Variants in HECW2 observed in about 807,000 individuals in gnomAD.
HECW2 encodes the protein E3 ubiquitin-protein ligase HECW2.
Under a neutral mutation model 175.2 loss-of-function variants are expected in HECW2, and 61 were observed. That is an observed-to-expected ratio of 0.35 (90% confidence interval 0.28 to 0.43). The LOEUF is 0.43. HECW2 is among the 20% of genes least tolerant of loss of function. The pLI, the probability that HECW2 is intolerant of heterozygous loss-of-function variation, is 1.00. For missense variants in HECW2, 1,524 were observed against 2,000.5 expected (o/e 0.76, Z 4.54); for synonymous variants, 671 against 731.0 (o/e 0.92, Z 1.32).
intron 1 of HECW2, chr2:196,592,801 C>A (rs1355670344): frequency 6.6e-6 from 1 of 151,522 alleles, no homozygotes; most frequent in South Asian, 2.1e-4. Context: ...CCACAAGCTG[C>A]GGGTGGGGAC....
intron 13 of HECW2, among the ~76,000 whole-genome samples, chr2:196,298,058 T>C (rs1048265034): frequency 3.3e-5 from 5 of 152,240 alleles, no homozygotes; most frequent in Non-Finnish European, 5.9e-5. Context: ...TTTTTCTTCA[T>C]TAAGTACTAA....
At chr2:196,511,835 TG>T (rs1687962630) in intron 1 of HECW2, among the ~76,000 whole-genome samples, 1 of 152,000 alleles carries the variant, frequency 6.6e-6, no homozygotes, top group Admixed American at 6.6e-5. Flanking sequence ...CACAGGAGGA[TG>T]GGAGAAGTGG....
chr2:196,318,662 A>G lies in HECW2; in HGVS notation c.2228T>C (p.Leu743Pro). 8.1e-6 allele frequency: 13 copies of G among 1,600,262 alleles called. No individual in the cohort carries two copies. Among genetic ancestry groups the G allele is most frequent in the South Asian group, 3.4e-5 (3 of 88,902 alleles). The change falls in exon 9 of 29, where the codon CTG becomes CCG. Residue 743 changes from leucine (L) to proline (P), a missense_variant. By Grantham distance (98) the Leu-to-Pro change is moderately conservative (BLOSUM62 -3). Coordinates refer to ENST00000644978, the MANE Select transcript of HECW2 (RefSeq NM_001348768.2). ...CTCGGCAGCAGCTGCAGCTCCCTCC[A>G]GGCTCCCCCTCCGCTGCCAGACCTC... is the stretch of plus-strand genomic sequence containing the variant. Reference protein sequence around the residue: ...LGEVWQRRGSLEGAAAAAESP... With the variant: ...LGEVWQRRGSPEGAAAAAESP...
intron 1 of HECW2, among the ~76,000 whole-genome samples, chr2:196,551,725 T>C (rs1440957620): frequency 6.6e-6 from 1 of 152,222 alleles, no homozygotes; most frequent in Non-Finnish European, 1.5e-5. Flanking sequence ...TCTTTTAAGC[T>C]TAGATGTACA....
chr2:196,432,152 G>T (rs931179802), intron 2 of HECW2, among the ~76,000 whole-genome samples: 1 of 152,026 alleles, frequency 6.6e-6, no homozygotes, highest in African/African-American at 2.4e-5. Context: ...AAACCTTGCC[G>T]AATGTCCTCT....
intron 10 of HECW2, 70 bp from the exon 11 acceptor site, chr2:196,308,155 T>C: frequency 4.1e-6 from 5 of 1,218,408 alleles, no homozygotes; most frequent in Non-Finnish European, 3.3e-6. Context: ...TTCATTAAGT[T>C]TGGCATGTGT....
At chr2:196,213,566 G>A (rs1559439036) in intron 28 of HECW2, among the ~76,000 whole-genome samples, 1 of 152,180 alleles carries the variant, frequency 6.6e-6, no homozygotes. Flanking sequence ...GAGAGGGTAT[G>A]AAAAGAGGCT....
chr2:196,290,705 C>A (rs574035075), intron 14 of HECW2: 1 of 152,282 alleles, frequency 6.6e-6, no homozygotes, highest in South Asian at 2.1e-4. Context: ...TGTGCCCTTC[C>A]ATCCAATGGA....
chr2:196,473,083 T>C (rs973027863), intron 1 of HECW2, among the ~76,000 whole-genome samples: 1 of 152,232 alleles, frequency 6.6e-6, no homozygotes, highest in Non-Finnish European at 1.5e-5. Flanking sequence ...AGATAACTGA[T>C]AGCAATTGAT....
In HECW2 at chr2:196,521,679, G is replaced by A. The variant is rs1688397293; in HGVS notation, c.-36+71829C>T. On this transcript the variant is annotated intron_variant, in intron 1 of 28. Coordinates refer to ENST00000644978, the MANE Select transcript of HECW2 (RefSeq NM_001348768.2). ...CCCAGAGTTTGATATTCCCCTTCCTGTGTCCATGTGATCTCATTGTTCAAT... is the reference window on the plus strand; with the variant it reads ...CCCAGAGTTTGATATTCCCCTTCCTATGTCCATGTGATCTCATTGTTCAAT... Among the ~76,000 whole-genome samples the A allele has an allele frequency of 2.9e-5, 4 of 136,264 alleles. No individual in the cohort carries two copies. In the Admixed American group the frequency reaches 3.4e-4, roughly 11 times the overall value. 89.4% of individuals were successfully genotyped at this position (136,264 alleles called of 152,430 possible).
intron 1 of HECW2, among the ~76,000 whole-genome samples, chr2:196,550,239 T>TA (rs1689565025): frequency 6.6e-6 from 1 of 152,200 alleles, no homozygotes; most frequent in African/African-American, 2.4e-5. Flanking sequence ...GCTTGGACTC[T>TA]AATTCCTGCT....
At chr2:196,373,980 C>T (rs1693978006) in intron 2 of HECW2, among the ~76,000 whole-genome samples, 2 of 150,626 alleles carry the variant, frequency 1.3e-5, no homozygotes, top group South Asian at 2.1e-4. Flanking sequence ...TGCAGTGAGC[C>T]GAGATCCCGC....
chr2:196,466,597 G>T (rs1394237221), intron 1 of HECW2, among the ~76,000 whole-genome samples: 1 of 152,188 alleles, frequency 6.6e-6, no homozygotes, highest in African/African-American at 2.4e-5. Context: ...CTGGTGAGAG[G>T]GTTGGCCAGC....
At chr2:196,592,952 G>A (rs1443659142) in intron 1 of HECW2, 2 of 151,616 alleles carry the variant, frequency 1.3e-5, no homozygotes, top group African/African-American at 4.8e-5. Flanking sequence ...GGCTGCTGCG[G>A]CCGCTGCCAC....
At chr2:196,410,071 G>A (rs1695068842) in intron 2 of HECW2, among the ~76,000 whole-genome samples, 1 of 152,114 alleles carries the variant, frequency 6.6e-6, no homozygotes, top group Non-Finnish European at 1.5e-5. Context: ...CAAAATAAGT[G>A]CTCATGACAA....
chr2:196,295,239 A>T (rs1460404738), intron 13 of HECW2, among the ~76,000 whole-genome samples: 1 of 152,338 alleles, frequency 6.6e-6, no homozygotes, highest in East Asian at 1.9e-4. Context: ...ATGAGAGGAT[A>T]GGAAAGTGAT....
chr2:196,581,526 T>C (rs1291039957), intron 1 of HECW2, among the ~76,000 whole-genome samples: 1 of 152,050 alleles, frequency 6.6e-6, no homozygotes, highest in African/African-American at 2.4e-5. Context: ...ACAGTGAGAC[T>C]CTATCTCAAA....
At chr2:196,244,142 A>C (rs1315546697) in intron 19 of HECW2, among the ~76,000 whole-genome samples, 1 of 152,212 alleles carries the variant, frequency 6.6e-6, no homozygotes, top group Non-Finnish European at 1.5e-5. Context: ...TTCATTGGGA[A>C]TACTATGTTA....
At chr2:196,374,449 T>C (rs529975982) in intron 2 of HECW2, among the ~76,000 whole-genome samples, 2 of 152,324 alleles carry the variant, frequency 1.3e-5, no homozygotes, top group South Asian at 4.1e-4. Context: ...TACAATGAAC[T>C]TGCATTACCT....
Sources: allele counts gnomAD v4.1 joint callset (sites outside exome capture counted in the v4.1 genomes callset), GRCh38; gene constraint gnomAD v4.1.1; transcripts MANE v1.5; gene names NCBI Gene and HGNC (gene_info 2026-07-23, HGNC 2026-07-21).